The following ZFHX2 variants were observed in gnomAD, a reference collection of about 807,000 sequenced individuals.
The protein encoded by ZFHX2 is zinc finger homeobox protein 2.
Under a neutral mutation model 164.8 loss-of-function variants are expected in ZFHX2, and 75 were observed. That is an observed-to-expected ratio of 0.46 (90% confidence interval 0.38 to 0.55). The LOEUF (loss-of-function observed/expected upper bound fraction) is 0.55, where lower values mean the gene tolerates loss of function less well. Ranked by LOEUF, ZFHX2 falls within the 20% of genes least tolerant of loss-of-function variation. The pLI is 0.00. For synonymous variants in ZFHX2, 1,217 were observed against 1,351.4 expected, an observed-to-expected ratio of 0.90 and a Z score of 2.18; for missense variants, 2,933 against 3,308.0, an observed-to-expected ratio of 0.89 and a Z score of 2.78.
At chr14:23,538,321 C>T (rs572572034) in intron 1 of ZFHX2, among the ~76,000 whole-genome samples, 1 of 149,772 alleles carries the variant, frequency 6.7e-6, no homozygotes, top group Non-Finnish European at 1.5e-5. Flanking sequence ...CCTCCCCCAA[C>T]CCCAACTCCC....
At chr14:23,527,907 T>C in intron 6 of ZFHX2, 103 bp from the exon 7 acceptor site, 1 of 990,780 alleles carries the variant, frequency 1.0e-6, no homozygotes, top group Non-Finnish European at 1.4e-6. Context: ...ACTCCTTTTT[T>C]TTTTTTTTTT....
chr14:23,552,199 T>G (rs1201195404), upstream of ZFHX2, among the ~76,000 whole-genome samples: 1 of 152,008 alleles, frequency 6.6e-6, no homozygotes, highest in African/African-American at 2.4e-5. Context: ...TTCTGCCTCC[T>G]CCACACGGTT....
rs1047343957 is a variant in ZFHX2 at position 23,524,117 on chromosome 14, T to C, written c.5825A>G (p.Lys1942Arg). ...TACCTTGCCTAATAAGAGGTTGAAC[T>C]TGGGCAAGGATGCAGGGGTGGCTGT... ...PATATPASLPKFNLLLGKVDD... is the reference protein window; with the variant it reads ...PATATPASLPRFNLLLGKVDD... Residue 1942 changes from lysine (K) to arginine (R), a missense_variant, in exon 9 of 10, where the codon AAG (lysine) becomes AGG (arginine). Coordinates refer to ENST00000419474, the MANE Select transcript of ZFHX2 (RefSeq NM_033400.3). This position sits in a 1 kb window ranked among gnomAD's most constrained non-coding sequence, Gnocchi z 5.6. 2 of 1,535,222 alleles carry C rather than the reference T, an allele frequency of 1.3e-6. No individual in the cohort carries two copies. Among genetic ancestry groups the C allele is most frequent in the East Asian group, 2.4e-5 (1 of 40,894 alleles).
chr14:23,521,957 T>C lies in ZFHX2; in HGVS notation c.*5A>G. The C allele has an allele frequency of 6.5e-7, 1 of 1,536,106 alleles. No individual in the cohort carries two copies. The highest frequency in any genetic ancestry group is 1.2e-5 in the South Asian group (1 of 83,968). On this transcript the variant is annotated 3_prime_UTR_variant, in exon 10 of 10. Transcript: ENST00000419474. ...CCTCCCCTCTCCCCATCTTGGTTAA[T>C]CTGTTTATAAAGCTAGAAGTGTAGA...
At chr14:23,540,135 CATG>C (rs1210436110) in intron 1 of ZFHX2, among the ~76,000 whole-genome samples, 1 of 152,198 alleles carries the variant, frequency 6.6e-6, no homozygotes, top group Non-Finnish European at 1.5e-5. Flanking sequence ...GGACTACAGG[CATG>C]TGCCACCACG....
chr14:23,529,369 C>G (rs553001428), intron 6 of ZFHX2: 1 of 295,496 alleles, frequency 3.4e-6, no homozygotes, highest in South Asian at 3.7e-5. Context: ...GGATAAAGAG[C>G]TGGGCAGTAG....
intron 3 of ZFHX2, 104 bp downstream of exon 3, chr14:23,532,463 C>A: frequency 7.4e-7 from 1 of 1,349,332 alleles, no homozygotes; most frequent in Non-Finnish European, 9.6e-7. Flanking sequence ...CCTTTTTCTC[C>A]ATTTGTCACC....
In ZFHX2 at chr14:23,527,743, G is replaced by A. The variant is rs1453725249; in HGVS notation, c.2996C>T (p.Thr999Ile). 3 of 1,536,140 alleles carry A rather than the reference G, an allele frequency of 2.0e-6. No individual in the cohort carries two copies. The highest frequency in any genetic ancestry group is 2.4e-5 in the East Asian group (1 of 40,896). The change falls in exon 7 of 10, where the codon ACA (threonine) becomes ATA (isoleucine). Residue 999 changes from threonine (T) to isoleucine (I), a missense_variant. Coordinates refer to ENST00000419474, the MANE Select transcript of ZFHX2 (RefSeq NM_033400.3). ...SPESSQVRAH[T>I]LSQHAVQPKY... ...GGGCTGCACTGCATGCTGGGAGAGTGTATGAGCCCTCACCTGGCTGGACTC... is the reference window on the plus strand; with the variant it reads ...GGGCTGCACTGCATGCTGGGAGAGTATATGAGCCCTCACCTGGCTGGACTC...
Position 23,537,165 on chromosome 14 carries a change from CAGAA to C in ZFHX2, c.-49-1795_-49-1792del, listed in dbSNP as rs1368326230. Among the ~76,000 whole-genome samples the C allele has an allele frequency of 7.2e-5, 11 of 151,932 alleles. No homozygotes were observed. In the South Asian group the frequency reaches 8.3e-4, roughly 11 times the overall value. ...ATGAAACTCCGTCTCACCAAAAAAA[CAGAA>C]AGAAAGAAATGAGGATTCCTGGGCT... On this transcript the variant is annotated intron_variant, in intron 1 of 9. Transcript: ENST00000419474.
At position 23,521,659 on chromosome 14, in the gene ZFHX2, G is replaced by A. The variant is rs981500800; in HGVS notation, c.*303C>T. The A allele has an allele frequency of 2.2e-5, 8 of 363,932 alleles. No homozygotes were observed. The highest frequency in any genetic ancestry group is 1.5e-4 in the African/African-American group (7 of 47,650). 22.5% of individuals were successfully genotyped at this position (363,932 alleles called of 1,614,324 possible). A position where few individuals can be genotyped will look rare whatever the true frequency, so the allele number is the denominator to read the frequency against. On this transcript the variant is annotated 3_prime_UTR_variant, in exon 10 of 10. Transcript: ENST00000419474. ...CCAAGGATATATTTTGTGTGTGGTA[G>A]GCAGACATGTATGAATAATCAGGGT...
At position 23,522,440 on chromosome 14, in the gene ZFHX2, G is replaced by A. The variant is rs1328638016; in HGVS notation, c.7241C>T (p.Ala2414Val). 6.5e-7 allele frequency: 1 copy of A among 1,536,474 alleles called. No homozygotes were observed. The highest frequency in any genetic ancestry group is 1.2e-5 in the South Asian group (1 of 84,064). Residue 2414 changes from alanine to valine, a missense_variant, in exon 10 of 10, where the codon GCA (alanine) becomes GTA (valine). Coordinates refer to ENST00000419474, the MANE Select transcript of ZFHX2 (RefSeq NM_033400.3). ...AGGCAGTTCAGGAGGCTTTGGAGGT[G>A]CTGTGGCTGTGGGCTCAGGGGGCTG... ...PPQPPEPTAT[A>V]PPKPPELPAP...
Position 23,532,604 on chromosome 14 carries a change from C to T in ZFHX2, c.2522G>A (p.Arg841Lys), listed in dbSNP as rs1879707026. Reference sequence around the variant, plus strand: ...GCTGTTTTCTTCGTGGGCTGCACCCCTGGCATGCAGCTGCATCTTCTCCTT... The same window carrying T: ...GCTGTTTTCTTCGTGGGCTGCACCCTTGGCATGCAGCTGCATCTTCTCCTT... Reference protein sequence around the residue: ...NSKEKMQLHARGAAHEENSQI... With the variant: ...NSKEKMQLHAKGAAHEENSQI... Residue 841 changes from arginine (R) to lysine (K), a missense_variant, in exon 3 of 10, where the codon AGG becomes AAG. Transcript: ENST00000419474. 2.8e-6 allele frequency: 4 copies of T among 1,452,762 alleles called. No homozygotes were observed. The highest frequency in any genetic ancestry group is 1.4e-5 in the South Asian group (1 of 69,848). The allele number at this position is 1,452,762 out of a possible 1,614,324, so 90.0% of individuals were successfully genotyped here.
chr14:23,533,063 T>TC lies in ZFHX2; in HGVS notation c.2062dup (p.Asp688GlyfsTer15). 1 of 1,532,192 alleles carries TC rather than the reference T, an allele frequency of 6.5e-7. No homozygotes were observed. The highest frequency in any genetic ancestry group is 1.2e-5 in the South Asian group (1 of 83,512). 94.9% of individuals were successfully genotyped at this position (1,532,192 alleles called of 1,614,324 possible). ...GAGCTGACTTGGAGGCAGGTGGGCA[T>TC]CAGGGGATAGGCTTCCAGGGGCTAG... On this transcript the variant is annotated frameshift_variant, in exon 3 of 10. Transcript: ENST00000419474. LOFTEE classifies it high-confidence loss of function. The surrounding 1 kb of genome is among the most constrained non-coding windows in gnomAD (Gnocchi z 4.8).
In ZFHX2 at chr14:23,523,474, A is replaced by G; in HGVS notation, c.6468T>C (p.Asp2156=). 6.5e-7 allele frequency: 1 copy of G among 1,536,182 alleles called. No individual in the cohort carries two copies. Among genetic ancestry groups the G allele is most frequent in the Non-Finnish European group, 8.7e-7 (1 of 1,146,872 alleles). The part of the protein sequence containing the change: ...TDCPYCDVKY[D]FYVSCRGHLF... Reference sequence around the variant, plus strand: ...GATGGCCTCGGCAGGAGACATAGAAATCATACTTGACATCACAATAGGGGC... The same window carrying G: ...GATGGCCTCGGCAGGAGACATAGAAGTCATACTTGACATCACAATAGGGGC... The change falls in exon 9 of 10, where the codon GAT becomes GAC. Residue 2156 remains aspartate, a synonymous_variant. Coordinates refer to ENST00000419474, the MANE Select transcript of ZFHX2 (RefSeq NM_033400.3). This position sits in a 1 kb window ranked among gnomAD's most constrained non-coding sequence, Gnocchi z 4.1.
At position 23,535,175 on chromosome 14, in the gene ZFHX2, T is replaced by A; in HGVS notation, c.151A>T (p.Met51Leu). 1 of 1,534,568 alleles carries A rather than the reference T, an allele frequency of 6.5e-7. No individual in the cohort carries two copies. Among genetic ancestry groups the A allele is most frequent in the Non-Finnish European group, 8.7e-7 (1 of 1,145,534 alleles). ...TGTCCCCCTGGCTCTGAGGACCTCA[T>A]GTTCTCAGAGGTGGAGGAGGCAGCA... ...PPAASSTSEN[M>L]RSSEPGGQLL... Residue 51 changes from methionine (M) to leucine (L), a missense_variant, in exon 2 of 10, where the codon ATG (methionine) becomes TTG (leucine). By Grantham distance (15) the Met-to-Leu change is conservative. Transcript: ENST00000419474. The surrounding 1 kb of genome is among the most constrained non-coding windows in gnomAD (Gnocchi z 4.5).
upstream of ZFHX2, among the ~76,000 whole-genome samples, chr14:23,552,016 GTGTTTTGT>G (rs1018489370): frequency 3.3e-5 from 5 of 152,164 alleles, no homozygotes; most frequent in Non-Finnish European, 5.9e-5. Flanking sequence ...AACCATACAT[GTGTTTTGT>G]TGTTTTGTTT....
intron 1 of ZFHX2, among the ~76,000 whole-genome samples, chr14:23,548,727 T>G (rs1881645221): frequency 6.6e-6 from 1 of 152,222 alleles, no homozygotes; most frequent in African/African-American, 2.4e-5. Flanking sequence ...AGGTTCTCTC[T>G]CTCTCTGTCT....
In ZFHX2 at chr14:23,523,015, C is replaced by A; in HGVS notation, c.6740-74G>T. 1 of 1,422,832 alleles carries A rather than the reference C, an allele frequency of 7.0e-7. No individual in the cohort carries two copies. The highest frequency in any genetic ancestry group is 9.1e-7 in the Non-Finnish European group (1 of 1,092,932). 88.1% of individuals were successfully genotyped at this position (1,422,832 alleles called of 1,614,324 possible). A position where few individuals can be genotyped will look rare whatever the true frequency, so the allele number is the denominator to read the frequency against. ...CATTCTTCCTGCCATAGGCCACCTC[C>A]AGCCACACACACCCGTTCCCAGCAC... On this transcript the variant is annotated intron_variant, in intron 9 of 9. Coordinates refer to ENST00000419474, the MANE Select transcript of ZFHX2 (RefSeq NM_033400.3). This position sits in a 1 kb window ranked among gnomAD's most constrained non-coding sequence, Gnocchi z 4.1.
chr14:23,526,850 C>T lies in ZFHX2; in HGVS notation c.3259G>A (p.Ala1087Thr), dbSNP rs1878784749. The T allele has an allele frequency of 2.0e-6, 3 of 1,528,668 alleles. No individual in the cohort carries two copies. The highest frequency in any genetic ancestry group is 8.7e-7 in the Non-Finnish European group (1 of 1,143,426). The allele number at this position is 1,528,668 out of a possible 1,614,324, so 94.7% of individuals were successfully genotyped here. ...GGTTTGCTGTTCCATTCCTTACCTG[C>T]TGCCTGGTCTCTGCTCGGTGTAGGC... ...PEPTPSRDQA[A>T]EGPNLTPEAS... The change falls in exon 8 of 10, where the codon GCA (alanine) becomes ACA (threonine). Residue 1087 changes from alanine to threonine, a missense_variant. Transcript: ENST00000419474.
Sources: gnomAD v4.1 joint callset for allele counts (sites outside exome capture counted in the v4.1 genomes callset) on GRCh38, gnomAD v4.1.1 for gene constraint, Gnocchi (gnomAD v3.1) non-coding constraint, MANE v1.5 for transcripts, NCBI Gene and HGNC (gene_info 2026-07-23, HGNC 2026-07-21) for gene names.